RIMS1: variants seen among roughly 807,000 people sequenced by gnomAD.
RIMS1 encodes the protein regulating synaptic membrane exocytosis 1.
Under a neutral mutation model 214.1 loss-of-function variants are expected in RIMS1, and 83 were observed. The ratio of observed to expected loss-of-function variants is 0.39; its 90% CI spans 0.32 to 0.47. The LOEUF (loss-of-function observed/expected upper bound fraction) is 0.47, where lower values mean the gene tolerates loss of function less well. Among genes scored for constraint, RIMS1 ranks in the 20% least tolerant of loss-of-function variants. The probability of loss-of-function intolerance (pLI) is 0.99; values close to 1 mark genes in which losing one functional copy is unlikely to be tolerated. For missense variants in RIMS1, 2,050 were observed against 2,161.8 expected, an observed-to-expected ratio of 0.95 and a Z score of 1.03; for synonymous variants, 793 against 786.8, an observed-to-expected ratio of 1.01 and a Z score of -0.13.
intron 2 of RIMS1, among the ~76,000 whole-genome samples, chr6:72,027,481 A>G (rs888308502): frequency 6.6e-6 from 1 of 152,178 alleles, no homozygotes; most frequent in African/African-American, 2.4e-5. Context: ...TAATATATAT[A>G]TATCAAAGCA....
intron 29 of RIMS1, among the ~76,000 whole-genome samples, chr6:72,369,455 G>A (rs921022619): frequency 2.0e-4 from 30 of 152,110 alleles, no homozygotes; most frequent in African/African-American, 7.0e-4. Context: ...TGCCTTATAT[G>A]ACTGTGAGAA....
At chr6:72,285,094 G>T (rs1464465954) in intron 24 of RIMS1, among the ~76,000 whole-genome samples, 1 of 152,108 alleles carries the variant, frequency 6.6e-6, no homozygotes, top group African/African-American at 2.4e-5. Context: ...AAATAAAATT[G>T]GAGAAATTCT....
At chr6:72,009,965 A>T (rs992460529) in intron 2 of RIMS1, among the ~76,000 whole-genome samples, 2 of 152,162 alleles carry the variant, frequency 1.3e-5, no homozygotes, top group African/African-American at 4.8e-5. Flanking sequence ...ATCCTCCCTA[A>T]CTCATTTTAT....
intron 1 of RIMS1, among the ~76,000 whole-genome samples, chr6:71,905,103 G>A (rs550222246): frequency 6.6e-6 from 1 of 152,108 alleles, no homozygotes; most frequent in East Asian, 1.9e-4. Flanking sequence ...TCCCATTTAA[G>A]CCATTGTTCC....
chr6:72,050,000 CTTACAGAA>C (rs2152129638), intron 2 of RIMS1, among the ~76,000 whole-genome samples: 1 of 152,206 alleles, frequency 6.6e-6, no homozygotes, highest in African/African-American at 2.4e-5. Flanking sequence ...CTTCCCAGAA[CTTACAGAA>C]TTACTTAGGG....
rs775609071 is a variant in RIMS1 at position 72,179,962 on chromosome 6, A to G, written c.812+47A>G. 1.0e-5 allele frequency: 13 copies of G among 1,260,864 alleles called. No individual in the cohort carries two copies. The African/African-American group carries it at 1.6e-4, about 16-fold the overall frequency. The allele number at this position is 1,260,864 out of a possible 1,614,324, so 78.1% of individuals were successfully genotyped here. ...AAGCAAAAGGCAAGATTTTGCTAGG[A>G]GAGCAAAGCCGTTTTCAAGAATTTA... On this transcript the variant is annotated intron_variant, in intron 5 of 33. Coordinates refer to ENST00000521978, the MANE Select transcript of RIMS1 (RefSeq NM_014989.7).
rs747771359 is a variant in RIMS1 at position 72,258,226 on chromosome 6, C to T, written c.2872C>T (p.Arg958Cys). Residue 958 changes from arginine (R) to cysteine (C), a missense_variant, in exon 17 of 34, where the codon CGC becomes TGC. This residue lies in a region of RIMS1 where 889 missense variants were observed against 885.5 expected (regional missense o/e 1.00). Transcript: ENST00000521978. ...HHRSRSVSPH[R>C]GNDQGKPRSR... ...CCGCTCACGTTCAGTATCTCCTCAT[C>T]GCGGCAATGATCAGGGAAAGCCGCG... The T allele has an allele frequency of 2.5e-6, 4 of 1,613,360 alleles. No homozygotes were observed. Among genetic ancestry groups the T allele is most frequent in the Non-Finnish European group, 1.7e-6 (2 of 1,179,572 alleles).
intron 1 of RIMS1, among the ~76,000 whole-genome samples, chr6:71,954,363 T>C (rs1446384419): frequency 1.3e-5 from 2 of 152,204 alleles, no homozygotes; most frequent in African/African-American, 4.8e-5. Flanking sequence ...TTTTTTAAGA[T>C]ACAGTAGCAT....
chr6:72,152,477 A>AT (rs1471949426), intron 4 of RIMS1, among the ~76,000 whole-genome samples: 2 of 152,026 alleles, frequency 1.3e-5, no homozygotes, highest in South Asian at 2.1e-4. Context: ...TCTTTAAGGC[A>AT]TTTTTTATGG....
intron 22 of RIMS1, among the ~76,000 whole-genome samples, chr6:72,273,268 A>G (rs935119557): frequency 2.0e-5 from 3 of 152,174 alleles, no homozygotes; most frequent in Admixed American, 1.3e-4. Flanking sequence ...TTTCAAAAAG[A>G]AAACTTTCTT....
intron 6 of RIMS1, among the ~76,000 whole-genome samples, chr6:72,191,017 C>T (rs1013333943): frequency 6.6e-6 from 1 of 152,198 alleles, no homozygotes; most frequent in African/African-American, 2.4e-5. Context: ...CTGCCAAAGG[C>T]TCCAAACAGC....
intron 26 of RIMS1, among the ~76,000 whole-genome samples, chr6:72,293,454 T>A (rs1383328228): frequency 6.6e-6 from 1 of 151,856 alleles, no homozygotes; most frequent in Non-Finnish European, 1.5e-5. Context: ...AAAGCAAAAG[T>A]TGGTGTTTAT....
At chr6:72,395,968 A>T in intron 31 of RIMS1, among the ~76,000 whole-genome samples, 1 of 151,856 alleles carries the variant, frequency 6.6e-6, no homozygotes, top group African/African-American at 2.4e-5. Context: ...TAATTGAAAA[A>T]TTTTCAGAAC....
chr6:71,890,583 A>G (rs1487127561), intron 1 of RIMS1, among the ~76,000 whole-genome samples: 1 of 144,426 alleles, frequency 6.9e-6, no homozygotes, highest in East Asian at 2.0e-4. Context: ...AAAAAAAAAA[A>G]AAAAAAAAAA....
chr6:71,915,652 T>C (rs1778149502), intron 1 of RIMS1, among the ~76,000 whole-genome samples: 1 of 152,166 alleles, frequency 6.6e-6, no homozygotes, highest in South Asian at 2.1e-4. Context: ...CAGGATTGTT[T>C]GGAGGATTAC....
chr6:72,089,038 C>G (rs1450668426), intron 2 of RIMS1, among the ~76,000 whole-genome samples: 1 of 151,764 alleles, frequency 6.6e-6, no homozygotes, highest in African/African-American at 2.4e-5. Context: ...ATTGTTCACC[C>G]CTGGTACAGT....
At chr6:72,399,803 C>T (rs1004151712) in intron 33 of RIMS1, among the ~76,000 whole-genome samples, 11 of 152,030 alleles carry the variant, frequency 7.2e-5, no homozygotes, top group South Asian at 2.1e-4. Flanking sequence ...CCTTTACAGA[C>T]GACTGAAGTA....
chr6:72,078,297 G>C (rs979259339), intron 2 of RIMS1, among the ~76,000 whole-genome samples: 1 of 152,106 alleles, frequency 6.6e-6, no homozygotes, highest in African/African-American at 2.4e-5. Flanking sequence ...TTTTTAGGCA[G>C]GAGACATACT....
chr6:72,131,987 G>A (rs2040524468), intron 4 of RIMS1, among the ~76,000 whole-genome samples: 2 of 152,316 alleles, frequency 1.3e-5, no homozygotes, highest in South Asian at 4.1e-4. Flanking sequence ...CTCACTGGCG[G>A]TCAGAGTTTA....
Sources: gnomAD v4.1 joint callset for allele counts (sites outside exome capture counted in the v4.1 genomes callset) on GRCh38, gnomAD v4.1.1 for gene constraint, gnomAD v4.1.1 regional missense constraint, MANE v1.5 for transcripts, NCBI Gene and HGNC (gene_info 2026-07-23, HGNC 2026-07-21) for gene names.